KMT2C: variants seen among roughly 807,000 people sequenced by gnomAD.
The protein encoded by KMT2C is histone-lysine N-methyltransferase 2C.
KMT2C carries 88 observed loss-of-function variants against 507.9 expected under a neutral mutation model. The ratio of observed to expected loss-of-function variants is 0.17; its 90% confidence interval spans 0.15 to 0.21. KMT2C has a LOEUF of 0.21. KMT2C is among the 10% of genes least tolerant of loss of function. The pLI is 1.00. For synonymous variants in KMT2C, 2,049 were observed against 2,080.8 expected (o/e 0.98, Z 0.42); for missense variants, 4,954 against 5,957.8 (o/e 0.83, Z 5.55).
intron 1 of KMT2C, among the ~76,000 whole-genome samples, chr7:152,364,546 C>T (rs2097222003): frequency 1.3e-5 from 2 of 149,802 alleles, no homozygotes; most frequent in African/African-American, 5.0e-5. Flanking sequence ...GAGGTGGAGA[C>T]TGCAGTGAGC....
rs781712564 is a variant in KMT2C, at chr7:152,330,633, G to T, written c.357C>A (p.Ser119=). The stretch of plus-strand genomic sequence containing the variant: ...TGGCTTCTACACCAACAGAGACCAG[G>T]GAGTTTGCCGATTCCTCAGACACAG... ...QRSVSEESAN[S]LVSVGVEAKI... is the part of the protein sequence containing the mutation. Residue 119 remains serine, a synonymous_variant, in exon 3 of 59, where the codon TCC becomes TCA. Coordinates refer to ENST00000262189, the MANE Select transcript of KMT2C (RefSeq NM_170606.3). 1 of 1,614,096 alleles carries T rather than the reference G, an allele frequency of 6.2e-7. No individual in the cohort carries two copies. Among genetic ancestry groups the T allele is most frequent in the East Asian group, 2.2e-5 (1 of 44,880 alleles).
chr7:152,378,110 A>G (rs1319710727), intron 1 of KMT2C, among the ~76,000 whole-genome samples: 1 of 152,210 alleles, frequency 6.6e-6, no homozygotes, highest in Non-Finnish European at 1.5e-5. Context: ...CCTGGTGAAG[A>G]GGCTGTGAAA....
At chr7:152,370,675 T>G (rs1449267040) in intron 1 of KMT2C, among the ~76,000 whole-genome samples, 1 of 151,986 alleles carries the variant, frequency 6.6e-6, no homozygotes, top group East Asian at 1.9e-4. Context: ...CCATGTAGGG[T>G]TTATCCCAGG....
chr7:152,426,955 T>TC (rs1312633857), intron 1 of KMT2C, among the ~76,000 whole-genome samples: 8 of 152,198 alleles, frequency 5.3e-5, no homozygotes, highest in African/African-American at 1.9e-4. Context: ...TAAGCTTTTT[T>TC]CTTTTTTTAA....
chr7:152,425,269 A>G (rs1213218760), intron 1 of KMT2C, among the ~76,000 whole-genome samples: 2 of 152,178 alleles, frequency 1.3e-5, no homozygotes, highest in African/African-American at 4.8e-5. Flanking sequence ...TATAAGTATG[A>G]AAGTCTAATA....
intron 42 of KMT2C, among the ~76,000 whole-genome samples, chr7:152,165,131 A>G (rs2092670843): frequency 6.6e-6 from 1 of 152,270 alleles, no homozygotes; most frequent in African/African-American, 2.4e-5. Context: ...GAACTGAGAA[A>G]TTACCATTGG....
intron 6 of KMT2C, among the ~76,000 whole-genome samples, chr7:152,277,826 T>C (rs577706765): frequency 6.6e-6 from 1 of 152,328 alleles, no homozygotes; most frequent in South Asian, 2.1e-4. Flanking sequence ...AAAATTTTAA[T>C]GTCTGTTAAG....
At position 152,333,042 on chromosome 7, in the gene KMT2C, C is replaced by T. The variant is rs189609413; in HGVS notation, c.251-2303G>A. Among the ~76,000 whole-genome samples the T allele has an allele frequency of 1.9e-3, 287 of 152,238 alleles. 2 individuals are homozygous for T. Among genetic ancestry groups the T allele is most frequent in the Non-Finnish European group, 2.0e-3 (137 of 68,028 alleles). ...GAAATGATCTTCTATCTTTTATAAG[C>T]ACAGAGATATAATAGTCTAATATCT... On this transcript the variant is annotated intron_variant, in intron 2 of 58. Coordinates refer to ENST00000262189, the MANE Select transcript of KMT2C (RefSeq NM_170606.3).
intron 24 of KMT2C, among the ~76,000 whole-genome samples, chr7:152,206,885 C>G (rs979295874): frequency 1.3e-5 from 2 of 152,118 alleles, no homozygotes; most frequent in African/African-American, 4.8e-5. Flanking sequence ...TGTATACTTA[C>G]TGGCACTCCT....
At chr7:152,309,484 C>T (rs1172027777) in intron 6 of KMT2C, among the ~76,000 whole-genome samples, 3 of 148,158 alleles carry the variant, frequency 2.0e-5, no homozygotes, top group Non-Finnish European at 4.5e-5. Context: ...CCAGCATGCC[C>T]GGCTAATTTT....
chr7:152,189,755 A>G (rs1474676627), intron 31 of KMT2C, among the ~76,000 whole-genome samples: 3 of 152,228 alleles, frequency 2.0e-5, no homozygotes, highest in African/African-American at 7.2e-5. Context: ...AGGTTTTCAC[A>G]ATGACAAATA....
chr7:152,194,271 A>AT lies in KMT2C; in HGVS notation c.4508-11dup. On this transcript the variant is annotated splice_polypyrimidine_tract_variant and intron_variant, in intron 29 of 58. Coordinates refer to ENST00000262189, the MANE Select transcript of KMT2C (RefSeq NM_170606.3). ...TTTCCAAGAATTGCTCCTAGAATAAATTAAAAAAAAAAAAGAAACATTAAC... is the reference window on the plus strand; with the variant it reads ...TTTCCAAGAATTGCTCCTAGAATAAATTTAAAAAAAAAAAAGAAACATTAAC... 1 of 1,450,818 alleles carries AT rather than the reference A, an allele frequency of 6.9e-7. No homozygotes were observed. The highest frequency in any genetic ancestry group is 9.4e-7 in the Non-Finnish European group (1 of 1,064,468). 89.9% of individuals were successfully genotyped at this position (1,450,818 alleles called of 1,614,324 possible).
intron 55 of KMT2C, among the ~76,000 whole-genome samples, chr7:152,141,898 T>C (rs6952768): frequency 0.041 from 6,292 of 152,136 alleles, 446 homozygotes; most frequent in African/African-American, 0.14. Flanking sequence ...GGCATGCGCC[T>C]GTAGCCCTGG....
At chr7:152,219,014 C>CTTGCTCTGCACCCACT (rs926526818) in intron 23 of KMT2C, among the ~76,000 whole-genome samples, 1 of 151,486 alleles carries the variant, frequency 6.6e-6, no homozygotes, top group Non-Finnish European at 1.5e-5. Context: ...CTGTCACCCA[C>CTTGCTCTGCACCCACT]GCTGGAGTGC....
intron 3 of KMT2C, among the ~76,000 whole-genome samples, chr7:152,316,218 T>C (rs1382085077): frequency 6.6e-6 from 1 of 152,150 alleles, no homozygotes; most frequent in Non-Finnish European, 1.5e-5. Context: ...AACCATTTTA[T>C]ATGATACTAT....
chr7:152,145,120 T>A (rs746744209), intron 54 of KMT2C, 33 bp downstream of exon 54: 12 of 1,602,634 alleles, frequency 7.5e-6, no homozygotes, highest in Non-Finnish European at 1.0e-5. Flanking sequence ...CTAGAAACCC[T>A]GGGCTGTACT....
At position 152,135,888 on chromosome 7, in the gene KMT2C, C is replaced by A. The variant is rs891654566; in HGVS notation, c.*944G>T. 12 of 231,204 alleles carry A rather than the reference C, an allele frequency of 5.2e-5. No homozygotes were observed. The highest frequency in any genetic ancestry group is 1.9e-4 in the East Asian group (3 of 16,166). 14.3% of individuals were successfully genotyped at this position (231,204 alleles called of 1,614,324 possible). ...CTAATAGACTGCGGTTTCCAAAAAA[C>A]CCCCAACACTCTAGGTTGAAATTTT... On this transcript the variant is annotated 3_prime_UTR_variant, in exon 59 of 59. Coordinates refer to ENST00000262189, the MANE Select transcript of KMT2C (RefSeq NM_170606.3).
chr7:152,209,682 G>T (rs566980134), intron 23 of KMT2C, among the ~76,000 whole-genome samples: 2 of 149,888 alleles, frequency 1.3e-5, no homozygotes, highest in South Asian at 2.1e-4. Context: ...TGAGGCTACA[G>T]TGAGTTATGA....
At chr7:152,314,311 C>T (rs934807365) in intron 4 of KMT2C, among the ~76,000 whole-genome samples, 1 of 152,122 alleles carries the variant, frequency 6.6e-6, no homozygotes, top group African/African-American at 2.4e-5. Flanking sequence ...GTGATTACAT[C>T]ATAACCCTCA....
Sources: gnomAD v4.1 joint callset for allele counts (sites outside exome capture counted in the v4.1 genomes callset) on GRCh38, gnomAD v4.1.1 for gene constraint, MANE v1.5 for transcripts, NCBI Gene and HGNC (gene_info 2026-07-23, HGNC 2026-07-21) for gene names.